The following CACNA1D variants were observed in gnomAD, a reference collection of about 807,000 sequenced individuals.
CACNA1D encodes the protein voltage-dependent L-type calcium channel subunit alpha-1D.
Under a neutral mutation model 257.1 loss-of-function variants are expected in CACNA1D, and 55 were observed. That is an observed-to-expected ratio of 0.21 (90% confidence interval 0.17 to 0.27). CACNA1D has a LOEUF of 0.27. CACNA1D is among the 10% of genes least tolerant of loss of function. The pLI, the probability that CACNA1D is intolerant of heterozygous loss-of-function variation, is 1.00. For synonymous variants in CACNA1D, 980 were observed against 1,014.9 expected, an observed-to-expected ratio of 0.97 and a Z score of 0.65; for missense variants, 1,876 against 2,784.0, an observed-to-expected ratio of 0.67 and a Z score of 7.34.
At chr3:53,636,184 T>G (rs921322557) in intron 3 of CACNA1D, among the ~76,000 whole-genome samples, 15 of 152,200 alleles carry the variant, frequency 9.9e-5, no homozygotes, top group Non-Finnish European at 2.2e-4. Context: ...TGGCTAAAGA[T>G]TATCGACTTC....
chr3:53,544,291 C>T (rs2092365576), intron 3 of CACNA1D, among the ~76,000 whole-genome samples: 1 of 151,964 alleles, frequency 6.6e-6, no homozygotes, highest in East Asian at 1.9e-4. Flanking sequence ...AATTTTGCAG[C>T]ACATATAATT....
chr3:53,776,629 C>A lies in CACNA1D; in HGVS notation c.4389C>A (p.Ile1463=). Residue 1463 remains isoleucine, a synonymous_variant, in exon 36 of 48, where the codon ATC becomes ATA. Transcript: ENST00000350061. ...FLIINLFVAV[I]MDNFDYLTRD... ...TCATCAATCTGTTTGTGGCTGTCAT[C>A]ATGGATAATTTCGACTATCTGACCC... 1 of 1,614,190 alleles carries A rather than the reference C, an allele frequency of 6.2e-7. No individual in the cohort carries two copies. The highest frequency in any genetic ancestry group is 8.5e-7 in the Non-Finnish European group (1 of 1,180,030).
At chr3:53,588,464 A>C (rs909384827) in intron 3 of CACNA1D, among the ~76,000 whole-genome samples, 5 of 151,798 alleles carry the variant, frequency 3.3e-5, no homozygotes, top group African/African-American at 1.2e-4. Flanking sequence ...AGTCTGGGGG[A>C]GTTTGGAGAC....
At chr3:53,773,016 T>A in intron 33 of CACNA1D, 118 bp downstream of exon 33, 1 of 863,850 alleles carries the variant, frequency 1.2e-6, no homozygotes, top group Non-Finnish European at 1.9e-6. Flanking sequence ...CAAATGCCTC[T>A]GCTGAAGCCT....
intron 3 of CACNA1D, among the ~76,000 whole-genome samples, chr3:53,513,756 C>A (rs2091216437): frequency 6.6e-6 from 1 of 152,250 alleles, no homozygotes; most frequent in Non-Finnish European, 1.5e-5. Flanking sequence ...GTCCTGCAAG[C>A]TCCATTCATG....
chr3:53,506,766 A>T (rs2090864237), intron 3 of CACNA1D, among the ~76,000 whole-genome samples: 3 of 152,180 alleles, frequency 2.0e-5, no homozygotes. Flanking sequence ...TTCTTGGCAA[A>T]TTTAACTATT....
intron 3 of CACNA1D, among the ~76,000 whole-genome samples, chr3:53,637,415 A>G (rs920693944): frequency 6.6e-6 from 1 of 151,672 alleles, no homozygotes; most frequent in Non-Finnish European, 1.5e-5. Context: ...ACCTACTTTG[A>G]ATTTTTATAT....
At chr3:53,710,923 G>C (rs2094747570) in intron 9 of CACNA1D, among the ~76,000 whole-genome samples, 2 of 152,146 alleles carry the variant, frequency 1.3e-5, no homozygotes, top group Non-Finnish European at 2.9e-5. Context: ...GCCAAAGCTA[G>C]TAGTGGCAGC....
intron 3 of CACNA1D, among the ~76,000 whole-genome samples, chr3:53,627,447 A>G (rs1054260535): frequency 6.6e-6 from 1 of 152,120 alleles, no homozygotes; most frequent in African/African-American, 2.4e-5. Flanking sequence ...CTGAGGTGCT[A>G]GTTTATCCAT....
At chr3:53,720,818 G>A (rs141526428) in intron 11 of CACNA1D, among the ~76,000 whole-genome samples, 7 of 152,248 alleles carry the variant, frequency 4.6e-5, no homozygotes, top group East Asian at 1.9e-4. Flanking sequence ...TGACACAGCC[G>A]TTAAAAAAAT....
chr3:53,524,238 G>A (rs775486135), intron 3 of CACNA1D, among the ~76,000 whole-genome samples: 2 of 152,252 alleles, frequency 1.3e-5, no homozygotes, highest in East Asian at 1.9e-4. Context: ...TGGGCAGTGG[G>A]TGGATGGAGC....
rs147336902 is a variant in CACNA1D at position 53,666,373 on chromosome 3, G to A, written c.954G>A (p.Ala318=). ...IVAEEDPAPC[A]FSGNGRQCTA... ...CTGAAGAGGACCCAGCTCCATGTGC[G>A]TTCTCAGGGAATGGACGCCAGTGTA... is the stretch of plus-strand genomic sequence containing the variant. The change falls in exon 7 of 48, where the codon GCG becomes GCA. Residue 318 remains alanine, a synonymous_variant. Transcript: ENST00000350061. The A allele has an allele frequency of 5.1e-3, 8,264 of 1,614,136 alleles. 43 individuals carry two copies. Among genetic ancestry groups the A allele is most frequent in the South Asian group, 6.7e-3 (606 of 91,078 alleles).
rs998145762 is a variant in CACNA1D at position 53,689,347 on chromosome 3, G to T, written c.1221-13294G>T. On this transcript the variant is annotated intron_variant, in intron 8 of 47. Coordinates refer to ENST00000350061, the MANE Select transcript of CACNA1D (RefSeq NM_001128840.3). ...GGGAATACCCACTGAGAGAGGCAGG[G>T]TTTTTTTTTTTTTCTTTAAGCTGCG... 6.2e-5 allele frequency among the ~76,000 whole-genome samples: 9 copies of T among 146,148 alleles called. No individual in the cohort carries two copies. The East Asian group carries it at 1.6e-3, about 26-fold the overall frequency.
intron 3 of CACNA1D, among the ~76,000 whole-genome samples, chr3:53,623,515 GT>G (rs1330183439): frequency 6.6e-6 from 1 of 152,226 alleles, no homozygotes; most frequent in African/African-American, 2.4e-5. Flanking sequence ...GCTTCTCTGT[GT>G]ATTTGAAGAT....
intron 40 of CACNA1D, among the ~76,000 whole-genome samples, chr3:53,788,010 C>G (rs1006394525): frequency 2.0e-5 from 3 of 152,166 alleles, no homozygotes; most frequent in Non-Finnish European, 4.4e-5. Flanking sequence ...ATGGAAGAGT[C>G]CTTCACTCTT....
intron 3 of CACNA1D, among the ~76,000 whole-genome samples, chr3:53,636,465 G>A (rs1430899867): frequency 6.6e-6 from 1 of 151,922 alleles, no homozygotes; most frequent in Non-Finnish European, 1.5e-5. Flanking sequence ...CACCACGCCC[G>A]GCTAATTTTT....
In CACNA1D at chr3:53,497,447, T is replaced by C; in HGVS notation, c.363T>C (p.Ser121=). ...LNNPIRRACI[S]IVEWKPFDIF... is the part of the protein sequence containing the mutation. ...ACCCCATCCGAAGAGCCTGCATTAG[T>C]ATAGTGGAATGGAAGTATCCTTTTT... The change falls in exon 2 of 48, where the codon AGT becomes AGC. Residue 121 remains serine (S), a synonymous_variant. Coordinates refer to ENST00000350061, the MANE Select transcript of CACNA1D (RefSeq NM_001128840.3). 6.2e-7 allele frequency: 1 copy of C among 1,614,092 alleles called. No homozygotes were observed. Among genetic ancestry groups the C allele is most frequent in the Non-Finnish European group, 8.5e-7 (1 of 1,179,980 alleles).
At chr3:53,639,390 C>CTT (rs749259940) in intron 3 of CACNA1D, among the ~76,000 whole-genome samples, 6 of 144,600 alleles carry the variant, frequency 4.1e-5, no homozygotes, top group African/African-American at 1.3e-4. Context: ...CTCTCTCTCT[C>CTT]TTTTTTTTTT....
intron 3 of CACNA1D, among the ~76,000 whole-genome samples, chr3:53,621,730 A>G (rs2093698730): frequency 6.6e-6 from 1 of 152,266 alleles, no homozygotes; most frequent in African/African-American, 2.4e-5. Context: ...CTGATGAAAC[A>G]TTTGTACGCA....
Sources: allele counts gnomAD v4.1 joint callset (sites outside exome capture counted in the v4.1 genomes callset), GRCh38; gene constraint gnomAD v4.1.1; transcripts MANE v1.5; gene names NCBI Gene and HGNC (gene_info 2026-07-23, HGNC 2026-07-21).